Variants in SYNGR1 observed in about 807,000 individuals in gnomAD.
SYNGR1 encodes the protein synaptogyrin-1.
Under a neutral mutation model 26.1 loss-of-function variants are expected in SYNGR1, and 14 were observed. The ratio of observed to expected loss-of-function variants is 0.54; its 90% CI spans 0.35 to 0.84. SYNGR1 has a LOEUF of 0.84. Ranked by LOEUF, SYNGR1 falls within the 40% of genes least tolerant of loss-of-function variation. The pLI, the probability that SYNGR1 is intolerant of heterozygous loss-of-function variation, is 0.01. For missense variants in SYNGR1, 319 were observed against 332.9 expected (o/e 0.96, Z 0.33); for synonymous variants, 141 against 150.1 (o/e 0.94, Z 0.44).
intron 1 of SYNGR1, among the ~76,000 whole-genome samples, chr22:39,357,818 G>A (rs1158245558): frequency 6.6e-6 from 1 of 152,256 alleles, no homozygotes; most frequent in Non-Finnish European, 1.5e-5. Context: ...TTCTCACTGA[G>A]CCTTAGCTGC....
intron 1 of SYNGR1, chr22:39,364,392 G>A: frequency 1.3e-6 from 2 of 1,594,048 alleles, no homozygotes; most frequent in Non-Finnish European, 1.7e-6. Context: ...AGACTGCTTT[G>A]TGGGGATGAT....
chr22:39,370,984 T>C (rs1924992712), intron 1 of SYNGR1, among the ~76,000 whole-genome samples: 2 of 152,172 alleles, frequency 1.3e-5, no homozygotes, highest in Admixed American at 6.6e-5. Flanking sequence ...TCCCATTCAA[T>C]GTAGATTTAT....
chr22:39,367,549 G>C (rs923793423), intron 1 of SYNGR1, among the ~76,000 whole-genome samples: 1 of 152,178 alleles, frequency 6.6e-6, no homozygotes, highest in Non-Finnish European at 1.5e-5. Flanking sequence ...TAGACCGCGC[G>C]AGGTGGCTCA....
chr22:39,371,664 C>T lies in SYNGR1; in HGVS notation c.100-2652C>T, dbSNP rs140961343. On this transcript the variant is annotated intron_variant, in intron 1 of 3. Transcript: ENST00000328933. ...AAAATTAACCAGGTATCGTGGCAAA[C>T]GCCTATAGTCCCGGCTACTCAGGAG... Among the ~76,000 whole-genome samples the T allele has an allele frequency of 7.7e-3, 1,164 of 151,840 alleles. 21 individuals are homozygous for T. Among genetic ancestry groups the T allele is most frequent in the African/African-American group, 0.027 (1,103 of 41,404 alleles).
At chr22:39,364,081 C>T in intron 1 of SYNGR1, 1 of 1,570,626 alleles carries the variant, frequency 6.4e-7, no homozygotes, top group Non-Finnish European at 8.7e-7. Context: ...TAGGCACACC[C>T]TGGGTGGTCT....
At chr22:39,374,838 C>T (rs142742679) in intron 2 of SYNGR1, 7 of 505,552 alleles carry the variant, frequency 1.4e-5, no homozygotes, top group Non-Finnish European at 2.5e-5. Flanking sequence ...CATGTGCCAG[C>T]CCCCATGGGT....
At chr22:39,366,632 C>T (rs1034738483) in intron 1 of SYNGR1, among the ~76,000 whole-genome samples, 1 of 151,918 alleles carries the variant, frequency 6.6e-6, no homozygotes, top group East Asian at 1.9e-4. Context: ...GGCAACAGAG[C>T]GAGACTCCAT....
Position 39,373,138 on chromosome 22 carries a change from TACACACACACACACACAC to T in SYNGR1, c.100-1166_100-1149del, listed in dbSNP as rs10548475. Among the ~76,000 whole-genome samples the T allele has an allele frequency of 8.2e-5, 12 of 146,408 alleles. No homozygotes were observed. The South Asian group carries it at 2.4e-3, about 30-fold the overall frequency. On this transcript the variant is annotated intron_variant, in intron 1 of 3. Transcript: ENST00000328933. ...GTGTCTATTGTTATTTTCTATTTAA[TACACACACACACACACAC>T]ACACACACACATAGATAGATTTTTT...
intron 1 of SYNGR1, among the ~76,000 whole-genome samples, chr22:39,358,819 G>T (rs946799939): frequency 6.6e-6 from 1 of 152,180 alleles, no homozygotes; most frequent in Admixed American, 6.5e-5. Context: ...ATCAGCTGGA[G>T]CCTGGAAGGG....
At chr22:39,363,068 T>C (rs1212861331) in intron 1 of SYNGR1, among the ~76,000 whole-genome samples, 1 of 152,080 alleles carries the variant, frequency 6.6e-6, no homozygotes, top group African/African-American at 2.4e-5. Context: ...GATGTGCGTG[T>C]TGAGGAGCCA....
chr22:39,362,844 TCTGA>T (rs1207413090), intron 1 of SYNGR1, among the ~76,000 whole-genome samples: 3 of 151,764 alleles, frequency 2.0e-5, no homozygotes, highest in Non-Finnish European at 4.4e-5. Context: ...CCTGGCCCTC[TCTGA>T]CTATCAGACT....
intron 1 of SYNGR1, chr22:39,364,206 A>C (rs201385100): frequency 6.2e-7 from 1 of 1,613,350 alleles, no homozygotes; most frequent in African/African-American, 1.3e-5. Flanking sequence ...TGTTGACCTT[A>C]GAGTTTGGGA....
chr22:39,362,630 CCTT>C (rs1421010930), intron 1 of SYNGR1, among the ~76,000 whole-genome samples: 1 of 152,154 alleles, frequency 6.6e-6, no homozygotes, highest in Non-Finnish European at 1.5e-5. Flanking sequence ...GTGACCGCTC[CCTT>C]CTTCCCTCAG....
chr22:39,375,864 C>T (rs1298358922), intron 2 of SYNGR1, 188 bp from the exon 3 acceptor site: 7 of 779,628 alleles, frequency 9.0e-6, no homozygotes, highest in South Asian at 1.6e-5. Context: ...TCCCTCTTCT[C>T]GCCTGCATCT....
In SYNGR1 at chr22:39,378,250, C is replaced by T. The variant is rs1200422480; in HGVS notation, c.483+2053C>T. On this transcript the variant is annotated intron_variant, in intron 3 of 3. Coordinates refer to ENST00000328933, the MANE Select transcript of SYNGR1 (RefSeq NM_004711.5). ...TGACAAACCCGTGCACCTCTCTCAG[C>T]CTCAGTCCACTTACCTGAACTGAGG... is the stretch of plus-strand genomic sequence containing the variant. 2.9e-6 allele frequency: 3 copies of T among 1,019,350 alleles called. No homozygotes were observed. The African/African-American group carries it at 5.1e-5, about 17-fold the overall frequency. 63.1% of individuals were successfully genotyped at this position (1,019,350 alleles called of 1,614,324 possible). A position where few individuals can be genotyped will look rare whatever the true frequency, so the allele number is the denominator to read the frequency against.
At chr22:39,368,897 C>A (rs754820007) in intron 1 of SYNGR1, among the ~76,000 whole-genome samples, 2 of 152,170 alleles carry the variant, frequency 1.3e-5, no homozygotes, top group Non-Finnish European at 2.9e-5. Context: ...AGGAAATGAA[C>A]GTTATGCAGC....
intron 1 of SYNGR1, among the ~76,000 whole-genome samples, chr22:39,354,842 A>AT: frequency 9.1e-6 from 1 of 109,804 alleles, no homozygotes; most frequent in Middle Eastern, 4.0e-3. Flanking sequence ...TCTGTCTCAA[A>AT]TAAAAAAAAA....
chr22:39,357,907 C>A (rs2145608741), intron 1 of SYNGR1, among the ~76,000 whole-genome samples: 1 of 152,370 alleles, frequency 6.6e-6, no homozygotes, highest in Admixed American at 6.5e-5. Flanking sequence ...CCTGTGCGGC[C>A]CGAGCCTCCC....
At chr22:39,381,447 CAG>C (rs758250811) in intron 3 of SYNGR1, among the ~76,000 whole-genome samples, 2 of 152,164 alleles carry the variant, frequency 1.3e-5, no homozygotes, top group Non-Finnish European at 2.9e-5. Flanking sequence ...GATTGGGAGA[CAG>C]GGGCAGGTGA....
Sources: gnomAD v4.1 joint callset for allele counts (sites outside exome capture counted in the v4.1 genomes callset) on GRCh38, gnomAD v4.1.1 for gene constraint, MANE v1.5 for transcripts, NCBI Gene and HGNC (gene_info 2026-07-23, HGNC 2026-07-21) for gene names.